Variants in PVT1 observed in about 807,000 individuals in gnomAD.
PVT1 encodes Pvt1 oncogene.
At chr8:127,997,091 G>A (rs535369170) in intron 4 of PVT1, among the ~76,000 whole-genome samples, 27 of 110,776 alleles carry the variant, frequency 2.4e-4, no homozygotes, top group African/African-American at 9.1e-4. Flanking sequence ...TTTCACTCTT[G>A]TTGCCTAGGG....
intron 2 of PVT1, among the ~76,000 whole-genome samples, chr8:127,833,028 C>G (rs963651896): frequency 6.6e-6 from 1 of 152,150 alleles, no homozygotes; most frequent in East Asian, 1.9e-4. Context: ...AGGAATCTCC[C>G]CCCACCTCCC....
chr8:128,041,563 ATT>A (rs1295965601), intron 4 of PVT1, among the ~76,000 whole-genome samples: 54 of 109,832 alleles, frequency 4.9e-4, no homozygotes, highest in African/African-American at 1.9e-3. Flanking sequence ...GTATGTGTGT[ATT>A]TTGTGTGTGT....
intron 3 of PVT1, among the ~76,000 whole-genome samples, chr8:127,956,366 A>G (rs1376537405): frequency 2.0e-5 from 3 of 152,256 alleles, no homozygotes; most frequent in African/African-American, 2.4e-5. Context: ...CTGTCTTTCC[A>G]TACTGTGTAG....
At chr8:128,073,054 G>A (rs758914910) in intron 5 of PVT1, among the ~76,000 whole-genome samples, 9 of 152,022 alleles carry the variant, frequency 5.9e-5, no homozygotes, top group South Asian at 2.1e-4. Flanking sequence ...GGCTGGTCTC[G>A]AACTCCTGAC....
In PVT1 at chr8:127,904,430, C is replaced by T. The variant is rs145703063; in HGVS notation, n.782+13432C>T. ...TTTCAGACCCCTAAATGATGTGACC[C>T]ATTCTGGGGCCAGCTCAGTGTTTTA... On this transcript the variant is annotated intron_variant and non_coding_transcript_variant, in intron 3 of 10. Coordinates refer to ENST00000651587, the Ensembl canonical transcript of PVT1. Among the ~76,000 whole-genome samples the T allele has an allele frequency of 2.0e-3, 308 of 150,866 alleles. 7 individuals are homozygous for T. In the East Asian group the frequency reaches 0.047, roughly 23 times the overall value.
At chr8:127,837,054 C>T (rs970130996) in intron 2 of PVT1, among the ~76,000 whole-genome samples, 3 of 152,166 alleles carry the variant, frequency 2.0e-5, no homozygotes, top group Non-Finnish European at 2.9e-5. Flanking sequence ...TAAGCCAGGC[C>T]CCCTGAGGGT....
chr8:128,048,329 CAT>C (rs967099297), intron 4 of PVT1: 1 of 152,266 alleles, frequency 6.6e-6, no homozygotes, highest in Admixed American at 6.5e-5. Context: ...ACTCCTTGAG[CAT>C]ATGAGGCTGG....
intron 2 of PVT1, among the ~76,000 whole-genome samples, chr8:127,846,992 TTTTTTTTTTTG>T (rs1342046031): frequency 5.0e-5 from 5 of 99,978 alleles, no homozygotes; most frequent in South Asian, 3.5e-4. Context: ...TTTTTTTTTT[TTTTTTTTTTTG>T]TTGTTGTTGT....
At chr8:127,901,673 A>G (rs1815760433) in intron 3 of PVT1, among the ~76,000 whole-genome samples, 1 of 152,124 alleles carries the variant, frequency 6.6e-6, no homozygotes, top group African/African-American at 2.4e-5. Context: ...TGGCCTCCCA[A>G]AGTGCTGGAA....
intron 3 of PVT1, among the ~76,000 whole-genome samples, chr8:127,920,380 C>A (rs1816041874): frequency 6.6e-6 from 1 of 152,246 alleles, no homozygotes; most frequent in African/African-American, 2.4e-5. Flanking sequence ...AGAAGCCCAA[C>A]TTTCCAGATT....
chr8:128,020,735 G>T (rs1817423288), intron 4 of PVT1, among the ~76,000 whole-genome samples: 2 of 152,214 alleles, frequency 1.3e-5, no homozygotes, highest in African/African-American at 2.4e-5. Flanking sequence ...TATATGTGTT[G>T]TTTTAAGCCA....
intron 3 of PVT1, among the ~76,000 whole-genome samples, chr8:127,965,934 A>T (rs537878243): frequency 1.6e-4 from 24 of 152,356 alleles, no homozygotes; most frequent in Non-Finnish European, 2.8e-4. Flanking sequence ...TGGAAAGACT[A>T]CTTTGATATG....
In PVT1 at chr8:127,816,348, A is replaced by G. The variant is rs549910550; in HGVS notation, n.372+20277A>G. On this transcript the variant is annotated intron_variant and non_coding_transcript_variant, in intron 2 of 10. Transcript: ENST00000651587. Reference sequence around the variant, plus strand: ...CTTTTTGTTGAGATAGGATCTCACTATGTTGCCCAGGCTGGTCCCAAACTC... The same window carrying G: ...CTTTTTGTTGAGATAGGATCTCACTGTGTTGCCCAGGCTGGTCCCAAACTC... Among the ~76,000 whole-genome samples the G allele has an allele frequency of 1.1e-4, 17 of 151,996 alleles. No individual in the cohort carries two copies. The South Asian group carries it at 1.9e-3, about 17-fold the overall frequency.
intron 4 of PVT1, among the ~76,000 whole-genome samples, chr8:128,007,027 A>T (rs2130028559): frequency 1.3e-5 from 2 of 152,368 alleles, no homozygotes; most frequent in Admixed American, 1.3e-4. Context: ...AGGAAATATC[A>T]GGCAAACACA....
chr8:127,953,665 C>G (rs1248163626), intron 3 of PVT1, among the ~76,000 whole-genome samples: 1 of 152,192 alleles, frequency 6.6e-6, no homozygotes, highest in African/African-American at 2.4e-5. Context: ...GACTGAAACT[C>G]TAACTTGCAG....
At chr8:128,096,924 C>G (rs1165566642) in intron 6 of PVT1, among the ~76,000 whole-genome samples, 4 of 152,322 alleles carry the variant, frequency 2.6e-5, no homozygotes, top group African/African-American at 9.6e-5. Context: ...TGCTCCACCC[C>G]ACCCAGGCCC....
chr8:127,885,202 A>C (rs566348383), intron 2 of PVT1, among the ~76,000 whole-genome samples: 2 of 152,004 alleles, frequency 1.3e-5, no homozygotes, highest in African/African-American at 4.8e-5. Context: ...GAGTGTGTGC[A>C]GTCCTGGAGT....
intron 2 of PVT1, among the ~76,000 whole-genome samples, chr8:127,859,041 C>T (rs1478533951): frequency 2.0e-5 from 3 of 151,818 alleles, no homozygotes; most frequent in Admixed American, 1.3e-4. Flanking sequence ...CTCCAGAGCT[C>T]GAGTGATTCT....
At chr8:127,837,399 T>TTC (rs1722623718) in intron 2 of PVT1, among the ~76,000 whole-genome samples, 1 of 151,336 alleles carries the variant, frequency 6.6e-6, no homozygotes, top group African/African-American at 2.4e-5. Context: ...GTTGTTGTTT[T>TTC]TTTTTTTTTG....
Sources: allele counts gnomAD v4.1 joint callset (sites outside exome capture counted in the v4.1 genomes callset), GRCh38; gene constraint gnomAD v4.1.1; transcripts MANE v1.5; gene names NCBI Gene and HGNC (gene_info 2026-07-23, HGNC 2026-07-21).